The following RFX1 variants were observed in gnomAD, a reference collection of about 807,000 sequenced individuals.
The protein encoded by RFX1 is MHC class II regulatory factor RFX1.
A neutral mutation model predicts 119.6 loss-of-function variants in RFX1; 42 were observed. The observed-to-expected ratio is 0.35, with a 90% CI of 0.27 to 0.45. The LOEUF (loss-of-function observed/expected upper bound fraction) is 0.45. Among genes scored for constraint, RFX1 ranks in the 20% least tolerant of loss-of-function variants. RFX1 has a pLI of 1.00. For synonymous variants in RFX1, 628 were observed against 618.5 expected, an observed-to-expected ratio of 1.02 and a Z score of -0.23; for missense variants, 1,118 against 1,368.1, an observed-to-expected ratio of 0.82 and a Z score of 2.88.
intron 1 of RFX1, among the ~76,000 whole-genome samples, chr19:14,005,832 G>A (rs1975352232): frequency 7.6e-6 from 1 of 131,746 alleles, no homozygotes. Flanking sequence ...TCGCGCTCCC[G>A]ACATATAAAA....
chr19:13,969,675 G>A lies in RFX1; in HGVS notation c.1496+319C>T. 4.0e-6 allele frequency: 1 copy of A among 248,844 alleles called. No individual in the cohort carries two copies. The highest frequency in any genetic ancestry group is 7.7e-6 in the Non-Finnish European group (1 of 129,386). The allele number at this position is 248,844 out of a possible 1,614,324, so 15.4% of individuals were successfully genotyped here. A position where few individuals can be genotyped will look rare whatever the true frequency, so the allele number is the denominator to read the frequency against. On this transcript the variant is annotated intron_variant, in intron 10 of 20. Transcript: ENST00000254325. This position sits in a 1 kb window ranked among gnomAD's most constrained non-coding sequence, Gnocchi z 4.5. ...CTCTTGTCTCCAAAAAAAAAAAAAA[G>A]TCACGTGTGAGCGTGCTGAATGCTA...
At chr19:13,992,268 A>C (rs1009234801) in intron 2 of RFX1, among the ~76,000 whole-genome samples, 1 of 152,148 alleles carries the variant, frequency 6.6e-6, no homozygotes, top group African/African-American at 2.4e-5. Flanking sequence ...GCAAGACCCC[A>C]TCTCTAAACC....
intron 1 of RFX1, among the ~76,000 whole-genome samples, chr19:13,999,560 G>A (rs1383223309): frequency 6.6e-6 from 1 of 152,180 alleles, no homozygotes; most frequent in Non-Finnish European, 1.5e-5. Flanking sequence ...CACATATCAT[G>A]AAATATAATT....
chr19:13,963,335 C>A, intron 18 of RFX1, 60 bp from the exon 19 acceptor site: 2 of 1,544,272 alleles, frequency 1.3e-6, no homozygotes, highest in Middle Eastern at 2.2e-4. Context: ...CCCTCTCCCC[C>A]TCCCCGCTGC....
At chr19:13,992,021 C>T (rs1341290585) in intron 2 of RFX1, among the ~76,000 whole-genome samples, 3 of 152,138 alleles carry the variant, frequency 2.0e-5, no homozygotes, top group African/African-American at 7.2e-5. Flanking sequence ...CATCTTGACC[C>T]ACCCCTTCCA....
chr19:13,978,171 C>A (rs1009875974), intron 7 of RFX1, 85 bp from the exon 8 acceptor site: 2 of 965,180 alleles, frequency 2.1e-6, no homozygotes, highest in African/African-American at 3.3e-5. Context: ...CCCACCCAGG[C>A]TATCCCTGAC....
intron 8 of RFX1, among the ~76,000 whole-genome samples, chr19:13,974,206 G>T (rs994163351): frequency 6.6e-6 from 1 of 152,104 alleles, no homozygotes; most frequent in Non-Finnish European, 1.5e-5. Context: ...AAGCAGGAAG[G>T]GGGTGGGGCT....
In RFX1 at chr19:13,982,105, C is replaced by T; in HGVS notation, c.621+16G>A. On this transcript the variant is annotated intron_variant, in intron 5 of 20. Transcript: ENST00000254325. ...AGACAGCAGGGGGGAGGGCGGCCAA[C>T]AGGACCACCACTTACCTCTGGGGGC... 1 of 1,278,886 alleles carries T rather than the reference C, an allele frequency of 7.8e-7. No homozygotes were observed. Among genetic ancestry groups the T allele is most frequent in the Middle Eastern group, 2.1e-4 (1 of 4,868 alleles). The allele number at this position is 1,278,886 out of a possible 1,614,324, so 79.2% of individuals were successfully genotyped here.
At chr19:13,973,947 A>AT (rs1485110077) in intron 8 of RFX1, among the ~76,000 whole-genome samples, 3 of 149,224 alleles carry the variant, frequency 2.0e-5, no homozygotes, top group African/African-American at 7.6e-5. Flanking sequence ...TGTCTTTTTA[A>AT]TTAAAAAAAA....
intron 1 of RFX1, among the ~76,000 whole-genome samples, chr19:13,996,429 G>T (rs1461650852): frequency 6.6e-6 from 1 of 152,248 alleles, no homozygotes; most frequent in Admixed American, 6.5e-5. Context: ...TGCCCAGATG[G>T]CCCTCCAGCC....
chr19:13,983,219 G>T lies in RFX1; in HGVS notation c.481C>A (p.Leu161Ile). The T allele has an allele frequency of 6.3e-7, 1 of 1,580,168 alleles. No individual in the cohort carries two copies. The highest frequency in any genetic ancestry group is 2.3e-5 in the East Asian group (1 of 43,362). Residue 161 changes from leucine (L) to isoleucine (I), a missense_variant, in exon 4 of 21, where the codon CTC becomes ATC. Leu to Ile is a conservative substitution (Grantham distance 5). Coordinates refer to ENST00000254325, the MANE Select transcript of RFX1 (RefSeq NM_002918.5). Reference sequence around the variant, plus strand: ...GGCACTTGGATGTTGGTCAGCTGGAGGGGCGACACGTGGCCTGGCTTGGCC... The same window carrying T: ...GGCACTTGGATGTTGGTCAGCTGGATGGGCGACACGTGGCCTGGCTTGGCC... Reference protein sequence around the residue: ...VQAKPGHVSPLQLTNIQVPQQ... With the variant: ...VQAKPGHVSPIQLTNIQVPQQ...
chr19:13,979,995 G>A (rs1319709401), intron 6 of RFX1, among the ~76,000 whole-genome samples: 2 of 152,064 alleles, frequency 1.3e-5, no homozygotes, highest in Non-Finnish European at 2.9e-5. Context: ...GAGGTTCGGG[G>A]GGGCTCTAGT....
At chr19:13,994,948 T>G (rs977274003) in intron 1 of RFX1, among the ~76,000 whole-genome samples, 2 of 130,090 alleles carry the variant, frequency 1.5e-5, no homozygotes, top group Non-Finnish European at 3.2e-5. Context: ...AATCATTTTT[T>G]TCAGAGATGG....
At chr19:13,975,377 A>T (rs1974223681) in intron 8 of RFX1, among the ~76,000 whole-genome samples, 1 of 151,928 alleles carries the variant, frequency 6.6e-6, no homozygotes, top group African/African-American at 2.4e-5. Context: ...AAAAAAAAAA[A>T]ATTAAACATC....
In RFX1 at chr19:13,962,836, G is replaced by A. The variant is rs1386839521; in HGVS notation, c.2799C>T (p.Ser933=). 1 of 1,527,856 alleles carries A rather than the reference G, an allele frequency of 6.5e-7. No individual in the cohort carries two copies. The highest frequency in any genetic ancestry group is 8.8e-7 in the Non-Finnish European group (1 of 1,140,322). 94.6% of individuals were successfully genotyped at this position (1,527,856 alleles called of 1,614,324 possible). The change falls in exon 21 of 21, where the codon AGC becomes AGT. Residue 933 remains serine (S), a synonymous_variant. Transcript: ENST00000254325. ...KDEEEEEEEE[S]EDELPQDISL... ...AGATGTCCTGCGGCAGCTCGTCCTC[G>A]CTCTCCTCCTCCTCTTCTTCCTCCT...
At chr19:13,981,044 C>T (rs1445386381) in intron 5 of RFX1, among the ~76,000 whole-genome samples, 1 of 152,214 alleles carries the variant, frequency 6.6e-6, no homozygotes, top group East Asian at 1.9e-4. Context: ...TCCCACCAGA[C>T]ACTGCACTGA....
rs1973859449 is a variant in RFX1, at chr19:13,965,364, G to A, written c.2211+85C>T. On this transcript the variant is annotated intron_variant, in intron 16 of 20. Transcript: ENST00000254325. The surrounding 1 kb of genome is among the most constrained non-coding windows in gnomAD (Gnocchi z 4.7). ...GCATCATCCCTGGAACAGGCGTGGG[G>A]ACAAATTTTACCGCCCCTGGGGAGC... The A allele has an allele frequency of 8.1e-7, 1 of 1,240,978 alleles. No individual in the cohort carries two copies. The highest frequency in any genetic ancestry group is 1.5e-5 in the African/African-American group (1 of 67,486). The allele number at this position is 1,240,978 out of a possible 1,614,324, so 76.9% of individuals were successfully genotyped here. A position where few individuals can be genotyped will look rare whatever the true frequency, so the allele number is the denominator to read the frequency against.
chr19:13,993,570 T>C lies in RFX1; in HGVS notation c.274A>G (p.Thr92Ala). Residue 92 changes from threonine (T) to alanine (A), a missense_variant, in exon 2 of 21, where the codon ACC becomes GCC. Physicochemically the swap from Thr to Ala is moderately conservative, Grantham distance 58. Transcript: ENST00000254325. ...TACTGCTGGGGTGCAGGCGAAGGGG[T>C]GGGTGCACCGGTTGGCTGCGAGGGT... Reference protein sequence around the residue: ...PAPSQPTGAPTPSPAPQQYIV... With the variant: ...PAPSQPTGAPAPSPAPQQYIV... 6.2e-7 allele frequency: 1 copy of C among 1,612,012 alleles called. No individual in the cohort carries two copies. The highest frequency in any genetic ancestry group is 8.5e-7 in the Non-Finnish European group (1 of 1,179,302).
chr19:13,969,820 A>AG lies in RFX1; in HGVS notation c.1496+173dup. On this transcript the variant is annotated intron_variant, in intron 10 of 20. Transcript: ENST00000254325. This position sits in a 1 kb window ranked among gnomAD's most constrained non-coding sequence, Gnocchi z 4.5. ...AGGGGTGAGAAGCACATGAGGTGGA[A>AG]GGCACCGCCAGTGCAAAGGCCTAGA... The AG allele has an allele frequency of 3.5e-6, 2 of 569,144 alleles. No homozygotes were observed. The highest frequency in any genetic ancestry group is 6.0e-6 in the Non-Finnish European group (2 of 331,604). The allele number at this position is 569,144 out of a possible 1,614,324, so 35.3% of individuals were successfully genotyped here.
Sources: allele counts gnomAD v4.1 joint callset (sites outside exome capture counted in the v4.1 genomes callset), GRCh38; gene constraint gnomAD v4.1.1; non-coding constraint Gnocchi (gnomAD v3.1); transcripts MANE v1.5; gene names NCBI Gene and HGNC (gene_info 2026-07-23, HGNC 2026-07-21).